The following CNKSR2 variants were observed in gnomAD, a reference collection of about 807,000 sequenced individuals.
The protein encoded by CNKSR2 is connector enhancer of kinase suppressor of Ras 2.
CNKSR2 carries 14 observed loss-of-function variants against 84.4 expected under a neutral mutation model. The observed-to-expected ratio is 0.17, with a 90% CI of 0.11 to 0.26. CNKSR2 has a LOEUF of 0.26. Ranked by LOEUF, CNKSR2 falls within the 10% of genes least tolerant of loss-of-function variation. CNKSR2 has a pLI of 1.00. For synonymous variants in CNKSR2, 275 were observed against 277.9 expected (o/e 0.99, Z 0.10); for missense variants, 485 against 771.2 (o/e 0.63, Z 4.40).
At chrX:21,379,872 C>T (rs774960753) in intron 1 of CNKSR2, among the ~76,000 whole-genome samples, 2 of 111,339 alleles carry the variant, frequency 1.8e-5, no homozygotes, top group East Asian at 5.6e-4. Context: ...AGGAAGGGAT[C>T]TGTGAGGAGG....
In CNKSR2 at chrX:21,649,042, G is replaced by T. The variant is rs12845620; in HGVS notation, c.2889+15G>T. ...GCACTTTAAAGGTAAGACAAGAAAT[G>T]GAAGGACAAATTTCTTTGAAGAGAT... On this transcript the variant is annotated intron_variant, in intron 21 of 21. Coordinates refer to ENST00000379510, the MANE Select transcript of CNKSR2 (RefSeq NM_014927.5). The T allele has an allele frequency of 1.8e-6, 2 of 1,123,121 alleles. No homozygotes were observed. Among genetic ancestry groups the T allele is most frequent in the Non-Finnish European group, 2.4e-6 (2 of 828,252 alleles). 92.6% of individuals were successfully genotyped at this position (1,123,121 alleles called of 1,213,427 possible). A position where few individuals can be genotyped will look rare whatever the true frequency, so the allele number is the denominator to read the frequency against.
At chrX:21,375,035 C>T (rs2089787445) in intron 1 of CNKSR2, 74 bp downstream of exon 1, 2 of 906,658 alleles carry the variant, frequency 2.2e-6, no homozygotes, top group Non-Finnish European at 3.2e-6. Flanking sequence ...AGGGGGCGCC[C>T]GCCGCGCCAG....
chrX:21,468,514 A>G (rs2091157893), intron 4 of CNKSR2: 1 of 110,569 alleles, frequency 9.0e-6, no homozygotes, highest in Non-Finnish European at 1.9e-5. Flanking sequence ...TTGACAGATT[A>G]CTCCTAGTAG....
intron 1 of CNKSR2, among the ~76,000 whole-genome samples, chrX:21,405,276 T>C (rs1463344480): frequency 8.9e-6 from 1 of 111,998 alleles, no homozygotes; most frequent in Non-Finnish European, 1.9e-5. Flanking sequence ...TGGGCATTCT[T>C]ATCCAGGAAT....
intron 5 of CNKSR2, among the ~76,000 whole-genome samples, chrX:21,471,332 G>C (rs1307382528): frequency 8.9e-6 from 1 of 111,839 alleles, no homozygotes; most frequent in Admixed American, 9.5e-5. Flanking sequence ...ATTATACTTT[G>C]TGGAAAGGCC....
At chrX:21,376,499 G>T (rs1601708380) in intron 1 of CNKSR2, among the ~76,000 whole-genome samples, 1 of 111,691 alleles carries the variant, frequency 9.0e-6, no homozygotes, top group Admixed American at 9.5e-5. Context: ...ATATAAAGAT[G>T]ACTAAGACAA....
intron 20 of CNKSR2, among the ~76,000 whole-genome samples, chrX:21,641,169 A>ATT (rs754373522): frequency 8.9e-6 from 1 of 112,282 alleles, no homozygotes; most frequent in Non-Finnish European, 1.9e-5. Flanking sequence ...AGAAATGGTA[A>ATT]TTTTACATGT....
rs768513178 is a variant in CNKSR2 at position 21,650,575 on chromosome X, TA to T, written c.2889+1559del. On this transcript the variant is annotated intron_variant, in intron 21 of 21. Coordinates refer to ENST00000379510, the MANE Select transcript of CNKSR2 (RefSeq NM_014927.5). Reference sequence around the variant, plus strand: ...ATGTATCCCAGACTTAAAGTATAATTAAAAAAAAAAAGAACTATCATACAGA... The same window carrying T: ...ATGTATCCCAGACTTAAAGTATAATTAAAAAAAAAAGAACTATCATACAGA... Among the ~76,000 whole-genome samples the T allele has an allele frequency of 5.7e-4, 59 of 103,123 alleles. 1 individual carries two copies. The highest frequency in any genetic ancestry group is 1.0e-3 in the African/African-American group (29 of 28,418). The allele number at this position is 103,123 out of a possible 115,157, so 89.5% of individuals were successfully genotyped here. A position where few individuals can be genotyped will look rare whatever the true frequency, so the allele number is the denominator to read the frequency against.
intron 1 of CNKSR2, among the ~76,000 whole-genome samples, chrX:21,405,954 A>G (rs1487773257): frequency 9.0e-6 from 1 of 110,846 alleles, no homozygotes; most frequent in African/African-American, 3.3e-5. Context: ...GATTCTACAT[A>G]GCAGAGTAGC....
intron 8 of CNKSR2, chrX:21,505,722 TAG>T (rs2091606460): frequency 9.0e-6 from 1 of 111,153 alleles, no homozygotes; most frequent in African/African-American, 3.3e-5. Flanking sequence ...TCAGAATGGA[TAG>T]AGAGTGTGGT....
intron 13 of CNKSR2, among the ~76,000 whole-genome samples, chrX:21,574,225 T>C (rs2092304319): frequency 8.9e-6 from 1 of 111,910 alleles, no homozygotes; most frequent in Non-Finnish European, 1.9e-5. Flanking sequence ...GTTCCAAACT[T>C]TCCCACATTT....
At chrX:21,571,953 C>T (rs1419798617) in intron 13 of CNKSR2, among the ~76,000 whole-genome samples, 2 of 111,957 alleles carry the variant, frequency 1.8e-5, no homozygotes, top group African/African-American at 3.2e-5. Context: ...TCCGTTTTGA[C>T]TTTATTCACC....
intron 11 of CNKSR2, among the ~76,000 whole-genome samples, chrX:21,558,641 AG>A (rs2147181547): frequency 9.0e-6 from 1 of 110,707 alleles, no homozygotes; most frequent in African/African-American, 3.3e-5. Flanking sequence ...AGACATATCA[AG>A]GGCTTAATTA....
rs181967763 is a variant in CNKSR2, at chrX:21,441,928, A to T, written c.519+1147A>T. ...TTATTTTTATTCCCTTTGCAGCAAG[A>T]TGAGATAATCAATATCTAAAAATAA... On this transcript the variant is annotated intron_variant, in intron 4 of 21. Coordinates refer to ENST00000379510, the MANE Select transcript of CNKSR2 (RefSeq NM_014927.5). 8.9e-5 allele frequency among the ~76,000 whole-genome samples: 10 copies of T among 111,990 alleles called. No individual in the cohort carries two copies. In the East Asian group the frequency reaches 2.8e-3, roughly 31 times the overall value.
At chrX:21,515,747 A>G (rs1384236892) in intron 8 of CNKSR2, among the ~76,000 whole-genome samples, 1 of 111,768 alleles carries the variant, frequency 8.9e-6, no homozygotes, top group African/African-American at 3.2e-5. Flanking sequence ...GCCCGATTTC[A>G]AGACATTTAT....
At chrX:21,590,215 T>G (rs995272915) in intron 13 of CNKSR2, among the ~76,000 whole-genome samples, 9 of 111,967 alleles carry the variant, frequency 8.0e-5, no homozygotes, top group Non-Finnish European at 1.7e-4. Flanking sequence ...TCCTGCTTAC[T>G]TCATTAGATT....
chrX:21,525,055 T>TA (rs1261622910), intron 9 of CNKSR2, among the ~76,000 whole-genome samples: 1 of 111,357 alleles, frequency 9.0e-6, no homozygotes, highest in East Asian at 2.8e-4. Context: ...CGTCTGTATT[T>TA]AAAACCAAGA....
rs746125707 is a variant in CNKSR2, at chrX:21,654,272, T to TTAAA, written c.*1751_*1752insTAAA. The TTAAA allele has an allele frequency of 6.5e-5, 4 of 61,075 alleles. No individual in the cohort carries two copies. The highest frequency in any genetic ancestry group is 2.3e-4 in the Admixed American group (1 of 4,424). 5.0% of individuals were successfully genotyped at this position (61,075 alleles called of 1,213,427 possible). ...TTAAATTTGTGGGATTTTGTATATG[T>TTAAA]AAAAAAAAAAAAAAAAAAAAAACAA... is the stretch of plus-strand genomic sequence containing the variant. On this transcript the variant is annotated 3_prime_UTR_variant, in exon 22 of 22. Transcript: ENST00000379510.
At chrX:21,417,451 A>T (rs2090437568) in intron 1 of CNKSR2, among the ~76,000 whole-genome samples, 1 of 111,243 alleles carries the variant, frequency 9.0e-6, no homozygotes, top group African/African-American at 3.3e-5. Context: ...GTGTAGATAA[A>T]CTCCAACGTT....
Sources: allele counts gnomAD v4.1 joint callset (sites outside exome capture counted in the v4.1 genomes callset), GRCh38; gene constraint gnomAD v4.1.1; transcripts MANE v1.5; gene names NCBI Gene and HGNC (gene_info 2026-07-23, HGNC 2026-07-21).